ANXA7: variants seen among roughly 807,000 people sequenced by gnomAD.
ANXA7 encodes annexin A7, also known as annexin VII.
In ANXA7, 55 loss-of-function variants were observed where a neutral mutation model predicts 64.9. That is an observed-to-expected ratio of 0.85 (90% CI 0.68 to 1.06). The LOEUF is 1.06. Among genes scored for constraint, ANXA7 ranks in the 50% least tolerant of loss-of-function variants. The pLI is 0.00. For synonymous variants in ANXA7, 200 were observed against 192.4 expected (o/e 1.04, Z -0.33); for missense variants, 548 against 582.1 (o/e 0.94, Z 0.60).
At chr10:73,394,219 T>C (rs2132676589) in intron 5 of ANXA7, among the ~76,000 whole-genome samples, 1 of 152,322 alleles carries the variant, frequency 6.6e-6, no homozygotes, top group African/African-American at 2.4e-5. Context: ...CAACACGTGC[T>C]GGAGAGGATG....
In ANXA7 at chr10:73,401,287, A is replaced by G. The variant is rs1447399149; in HGVS notation, c.-1-430T>C. 2.7e-5 allele frequency among the ~76,000 whole-genome samples: 4 copies of G among 150,274 alleles called. No homozygotes were observed. The East Asian group carries it at 5.8e-4, about 22-fold the overall frequency. ...CAACACACACACACACACACACACA[A>G]GGTTTTATGCAAAATATTTCTCTTT... On this transcript the variant is annotated intron_variant, in intron 1 of 12. Coordinates refer to ENST00000372921, the MANE Select transcript of ANXA7 (RefSeq NM_001156.5).
At position 73,376,021 on chromosome 10, in the gene ANXA7, T is replaced by C. The variant is rs1483765237; in HGVS notation, c.*74A>G. ...TCGGTTAGCTGATGTTTGATATTGC[T>C]GCATGCAGGTCATTGCTCTGAAGGA... is the stretch of plus-strand genomic sequence containing the variant. On this transcript the variant is annotated 3_prime_UTR_variant, in exon 13 of 13. Transcript: ENST00000372921. 4 of 1,271,832 alleles carry C rather than the reference T, an allele frequency of 3.1e-6. No individual in the cohort carries two copies. The highest frequency in any genetic ancestry group is 4.2e-6 in the Non-Finnish European group (4 of 949,628). The allele number at this position is 1,271,832 out of a possible 1,614,324, so 78.8% of individuals were successfully genotyped here.
At chr10:73,404,058 C>G (rs2055714841) in intron 1 of ANXA7, among the ~76,000 whole-genome samples, 1 of 152,164 alleles carries the variant, frequency 6.6e-6, no homozygotes, top group Non-Finnish European at 1.5e-5. Context: ...AAATAATTAG[C>G]ATGAAGTTTG....
At chr10:73,391,849 C>G (rs775253209) in intron 5 of ANXA7, among the ~76,000 whole-genome samples, 1 of 152,174 alleles carries the variant, frequency 6.6e-6, no homozygotes, top group Non-Finnish European at 1.5e-5. Context: ...TCACTTCCAT[C>G]TAAAAGCTCT....
chr10:73,413,155 G>GAGGACTGAAAGACAGTCCTCACTGAAA (rs915796240), intron 1 of ANXA7, among the ~76,000 whole-genome samples: 2 of 151,998 alleles, frequency 1.3e-5, no homozygotes, highest in African/African-American at 2.4e-5. Flanking sequence ...AACCACCAGT[G>GAGGACTGAAAGACAGTCCTCACTGAAA]AGGACTGAAA....
At chr10:73,408,578 G>A (rs1368183917) in intron 1 of ANXA7, among the ~76,000 whole-genome samples, 1 of 151,944 alleles carries the variant, frequency 6.6e-6, no homozygotes, top group Non-Finnish European at 1.5e-5. Context: ...AGAGCCTGGA[G>A]GAATTATGTC....
chr10:73,380,653 G>C (rs1425252225), intron 9 of ANXA7, among the ~76,000 whole-genome samples: 1 of 152,096 alleles, frequency 6.6e-6, no homozygotes, highest in Non-Finnish European at 1.5e-5. Context: ...AATATAACTA[G>C]TAATTTATTA....
intron 1 of ANXA7, among the ~76,000 whole-genome samples, chr10:73,404,060 T>G (rs2055714879): frequency 6.6e-6 from 1 of 152,242 alleles, no homozygotes; most frequent in South Asian, 2.1e-4. Flanking sequence ...ATAATTAGCA[T>G]GAAGTTTGGC....
chr10:73,400,881 C>G (rs1328648249), intron 1 of ANXA7, 24 bp from the exon 2 acceptor site: 2 of 1,570,554 alleles, frequency 1.3e-6, no homozygotes, highest in Admixed American at 3.7e-5. Context: ...AAAAAATGTC[C>G]TCTGTAAGTT....
chr10:73,413,395 T>C (rs1306927002), intron 1 of ANXA7, among the ~76,000 whole-genome samples: 1 of 152,162 alleles, frequency 6.6e-6, no homozygotes, highest in Non-Finnish European at 1.5e-5. Flanking sequence ...ACATCAGCCA[T>C]CTACCTCTGC....
intron 9 of ANXA7, 22 bp downstream of exon 9, chr10:73,383,153 C>T (rs753493727): frequency 1.3e-6 from 2 of 1,576,924 alleles, no homozygotes; most frequent in Non-Finnish European, 1.7e-6. Context: ...TATCAACGCA[C>T]AAGCATTCAT....
chr10:73,400,941 T>C, intron 1 of ANXA7, 84 bp from the exon 2 acceptor site: 1 of 1,201,244 alleles, frequency 8.3e-7, no homozygotes, highest in South Asian at 1.5e-5. Flanking sequence ...GGAGTCTCAC[T>C]CTGTCACCAG....
intron 5 of ANXA7, chr10:73,396,147 G>A (rs2055571661): frequency 7.6e-7 from 1 of 1,322,560 alleles, no homozygotes; most frequent in South Asian, 1.2e-5. Context: ...GTAAAAATGG[G>A]AAACAAAACC....
Position 73,376,128 on chromosome 10 carries a change from G to A in ANXA7, c.1368C>T (p.Tyr456=), listed in dbSNP as rs764595266. 1 of 1,601,778 alleles carries A rather than the reference G, an allele frequency of 6.2e-7. No individual in the cohort carries two copies. The highest frequency in any genetic ancestry group is 1.1e-5 in the South Asian group (1 of 87,430). Residue 456 remains tyrosine, a synonymous_variant, in exon 13 of 13, where the codon TAC becomes TAT. Coordinates refer to ENST00000372921, the MANE Select transcript of ANXA7 (RefSeq NM_001156.5). ...TMIAGDTSGD[Y]RRLLLAIVGQ is the part of the protein sequence containing the mutation. ...CCACAATAGCCAGAAGAAGTCTTCG[G>A]TAATCTCCACTCGTGTCACCTGCAA...
chr10:73,380,605 A>G (rs981581075), intron 9 of ANXA7, among the ~76,000 whole-genome samples: 2 of 152,254 alleles, frequency 1.3e-5, no homozygotes, highest in Non-Finnish European at 2.9e-5. Flanking sequence ...ATTAATCCAT[A>G]ATGTCTGTCA....
At chr10:73,388,714 T>C (rs772565471) in intron 5 of ANXA7, among the ~76,000 whole-genome samples, 3 of 152,068 alleles carry the variant, frequency 2.0e-5, no homozygotes, top group Admixed American at 6.5e-5. Context: ...TTTGGTAGAA[T>C]AGGAAGAAAA....
chr10:73,379,974 G>T lies in ANXA7; in HGVS notation c.1090-20C>A. On this transcript the variant is annotated intron_variant, in intron 10 of 12. Coordinates refer to ENST00000372921, the MANE Select transcript of ANXA7 (RefSeq NM_001156.5). ...AGCCATCTGCAAACAAAATTAAAGG[G>T]TTAAATATTTTTGTATCTTACAGCA... 1 of 1,612,998 alleles carries T rather than the reference G, an allele frequency of 6.2e-7. No individual in the cohort carries two copies. Among genetic ancestry groups the T allele is most frequent in the Non-Finnish European group, 8.5e-7 (1 of 1,179,726 alleles).
chr10:73,404,545 A>G (rs1405617530), intron 1 of ANXA7, among the ~76,000 whole-genome samples: 1 of 152,196 alleles, frequency 6.6e-6, no homozygotes, highest in African/African-American at 2.4e-5. Context: ...GGAATATTCT[A>G]TATAATATAG....
chr10:73,394,825 G>A (rs574030532), intron 5 of ANXA7, among the ~76,000 whole-genome samples: 18 of 152,246 alleles, frequency 1.2e-4, no homozygotes, highest in Non-Finnish European at 2.2e-4. Flanking sequence ...AAACTTGCAC[G>A]TTGTGCACAT....
Sources: allele counts gnomAD v4.1 joint callset (sites outside exome capture counted in the v4.1 genomes callset), GRCh38; gene constraint gnomAD v4.1.1; transcripts MANE v1.5; gene names NCBI Gene and HGNC (gene_info 2026-07-23, HGNC 2026-07-21).